The following ACTG2 variants were observed in gnomAD, a reference collection of about 807,000 sequenced individuals.
ACTG2 encodes the protein actin gamma 2, smooth muscle, also known as actin, gamma-enteric smooth muscle.
Under a neutral mutation model 37.6 loss-of-function variants are expected in ACTG2, and 16 were observed. That is an observed-to-expected ratio of 0.43 (90% CI 0.29 to 0.65). The LOEUF (loss-of-function observed/expected upper bound fraction) is 0.65, where lower values mean the gene tolerates loss of function less well. Ranked by LOEUF, ACTG2 falls within the 30% of genes least tolerant of loss-of-function variation. The pLI is 0.18. For missense variants in ACTG2, 238 were observed against 490.9 expected (o/e 0.48, Z 4.87); for synonymous variants, 181 against 179.9 (o/e 1.01, Z -0.05).
intron 5 of ACTG2, among the ~76,000 whole-genome samples, chr2:73,912,211 G>A (rs1680154194): frequency 6.6e-6 from 1 of 152,228 alleles, no homozygotes; most frequent in Non-Finnish European, 1.5e-5. Context: ...AGACTGGAAT[G>A]CAATGATGTG....
intron 3 of ACTG2, among the ~76,000 whole-genome samples, chr2:73,906,919 A>T (rs560503163): frequency 6.6e-6 from 1 of 152,354 alleles, no homozygotes; most frequent in Non-Finnish European, 1.5e-5. Context: ...AGATGATCCC[A>T]GGTGACTCTG....
At chr2:73,908,470 G>T in intron 3 of ACTG2, 1 of 644,192 alleles carries the variant, frequency 1.6e-6, no homozygotes, top group Middle Eastern at 2.7e-4. Flanking sequence ...CTGGTTCCAG[G>T]TCTGAGTCCT....
intron 8 of ACTG2, among the ~76,000 whole-genome samples, chr2:73,918,065 A>G (rs1422085064): frequency 2.0e-5 from 3 of 152,224 alleles, no homozygotes; most frequent in Admixed American, 6.5e-5. Context: ...TTAGGATCTA[A>G]TTAGTAAACA....
chr2:73,902,634 A>G (rs1679917753), intron 3 of ACTG2, 146 bp downstream of exon 3: 1 of 1,551,998 alleles, frequency 6.4e-7, no homozygotes, highest in Non-Finnish European at 8.7e-7. Flanking sequence ...CCCCACGACC[A>G]TTTCTCCAAC....
At chr2:73,910,824 A>G (rs1393315270) in intron 5 of ACTG2, among the ~76,000 whole-genome samples, 1 of 152,092 alleles carries the variant, frequency 6.6e-6, no homozygotes, top group Non-Finnish European at 1.5e-5. Context: ...TCAGCCTCCC[A>G]AAGTACTGGG....
rs371797489 is a variant in ACTG2 at position 73,919,603 on chromosome 2, C to G, written c.*28C>G. On this transcript the variant is annotated 3_prime_UTR_variant, in exon 9 of 9. Transcript: ENST00000345517. ...TCAGAACAGGTTCTCCAAGGATCCCCTCGAGACTACTCTGTTACCAGTCAT... is the reference window on the plus strand; with the variant it reads ...TCAGAACAGGTTCTCCAAGGATCCCGTCGAGACTACTCTGTTACCAGTCAT... 1.3e-4 allele frequency: 214 copies of G among 1,606,770 alleles called. No homozygotes were observed. Among genetic ancestry groups the G allele is most frequent in the Non-Finnish European group, 1.7e-4 (196 of 1,176,256 alleles).
intron 3 of ACTG2, chr2:73,902,868 T>A (rs969620571): frequency 5.2e-6 from 6 of 1,159,340 alleles, no homozygotes; most frequent in Non-Finnish European, 7.2e-6. Flanking sequence ...GACCTTTCCC[T>A]GCCTGATCCC....
intron 5 of ACTG2, among the ~76,000 whole-genome samples, chr2:73,912,036 G>A (rs1236799286): frequency 6.6e-6 from 1 of 152,232 alleles, no homozygotes; most frequent in African/African-American, 2.4e-5. Context: ...TCATTATGGA[G>A]CTAACAGTTT....
intron 5 of ACTG2, among the ~76,000 whole-genome samples, chr2:73,910,802 G>T (rs1308906132): frequency 5.3e-5 from 8 of 152,020 alleles, no homozygotes; most frequent in Admixed American, 2.6e-4. Context: ...GATCTCAAGT[G>T]ATCTGCCCAC....
intron 3 of ACTG2, among the ~76,000 whole-genome samples, chr2:73,903,960 C>CAA (rs140443634): frequency 2.0e-4 from 12 of 59,338 alleles, no homozygotes; most frequent in East Asian, 9.1e-4. Context: ...AAAAAAAAAA[C>CAA]AAAAAAAAAA....
At position 73,909,108 on chromosome 2, in the gene ACTG2, G is replaced by T. The variant is rs936286700; in HGVS notation, c.420G>T (p.Val140=). 2 of 1,614,060 alleles carry T rather than the reference G, an allele frequency of 1.2e-6. No individual in the cohort carries two copies. Among genetic ancestry groups the T allele is most frequent in the East Asian group, 2.2e-5 (1 of 44,892 alleles). The change falls in exon 5 of 9, where the codon GTG becomes GTT. Residue 140 remains valine, a synonymous_variant. Transcript: ENST00000345517. ...CCATGTACGTCGCCATTCAAGCTGT[G>T]CTCTCCCTCTATGCCTCTGGCCGCA... is the stretch of plus-strand genomic sequence containing the variant. The part of the protein sequence containing the change: ...VPAMYVAIQA[V]LSLYASGRTT...
In ACTG2 at chr2:73,901,532, ATGTGTGTG is replaced by A. The variant is rs58042852; in HGVS notation, c.126+137_126+144del. The A allele has an allele frequency of 8.4e-4, 964 of 1,144,752 alleles. 8 individuals carry two copies. The African/African-American group carries it at 9.4e-3, about 11-fold the overall frequency. The allele number at this position is 1,144,752 out of a possible 1,614,324, so 70.9% of individuals were successfully genotyped here. On this transcript the variant is annotated intron_variant, in intron 2 of 8. Transcript: ENST00000345517. ...CTGAGCTGGGGGTTAGGGGAAGGAA[ATGTGTGTG>A]TGTGTGTGTGTGTGTGTGTGTGTGT...
At chr2:73,897,353 A>T (rs925173314) in intron 1 of ACTG2, 1 of 152,358 alleles carries the variant, frequency 6.6e-6, no homozygotes, top group Non-Finnish European at 1.5e-5. Context: ...AGGGGACCCT[A>T]GAGGGAGGCA....
intron 3 of ACTG2, among the ~76,000 whole-genome samples, chr2:73,904,773 GTGTGTATATATATATATA>G (rs1159845559): frequency 0.03 from 609 of 20,098 alleles, 12 homozygotes; most frequent in African/African-American, 0.071. Flanking sequence ...GTGTGTGTGT[GTGTGTATATATATATATA>G]TATATATATA....
In ACTG2 at chr2:73,919,470, C is replaced by T. The variant is rs1422885943; in HGVS notation, c.1026C>T (p.Ile342=). 31 of 1,614,008 alleles carry T rather than the reference C, an allele frequency of 1.9e-5. No individual in the cohort carries two copies. The highest frequency in any genetic ancestry group is 6.7e-5 in the East Asian group (3 of 44,888). Residue 342 remains isoleucine (I), a synonymous_variant, in exon 9 of 9, where the codon ATC becomes ATT. Transcript: ENST00000345517. ...CAGAGCGGAAGTACTCAGTCTGGAT[C>T]GGGGGCTCTATCCTGGCCTCTCTCT... is the stretch of plus-strand genomic sequence containing the variant. ...APPERKYSVW[I]GGSILASLST...
intron 3 of ACTG2, chr2:73,903,067 T>C: frequency 4.5e-6 from 1 of 223,856 alleles, no homozygotes; most frequent in Non-Finnish European, 8.7e-6. Context: ...AGTAGAACTC[T>C]CTCAGGGTTT....
intron 8 of ACTG2, among the ~76,000 whole-genome samples, chr2:73,918,250 A>G (rs939761812): frequency 1.3e-5 from 2 of 152,186 alleles, no homozygotes; most frequent in Non-Finnish European, 2.9e-5. Context: ...TCTCAAGGAC[A>G]CAGAAGAACA....
chr2:73,918,246 G>C (rs1194517087), intron 8 of ACTG2, among the ~76,000 whole-genome samples: 1 of 152,116 alleles, frequency 6.6e-6, no homozygotes, highest in Non-Finnish European at 1.5e-5. Flanking sequence ...CAAGTCTCAA[G>C]GACACAGAAG....
rs1293750614 is a variant in ACTG2, at chr2:73,908,323, G to A, written c.256-350G>A. 8.4e-6 allele frequency: 4 copies of A among 477,142 alleles called. No individual in the cohort carries two copies. The Admixed American group carries it at 9.4e-5, about 11-fold the overall frequency. The allele number at this position is 477,142 out of a possible 1,614,324, so 29.6% of individuals were successfully genotyped here. A position where few individuals can be genotyped will look rare whatever the true frequency, so the allele number is the denominator to read the frequency against. ...AGGAATCTTCTATCAGCCAAATATA[G>A]CCAGAAGCCAGAAAGCAATGAACAC... On this transcript the variant is annotated intron_variant, in intron 3 of 8. Coordinates refer to ENST00000345517, the MANE Select transcript of ACTG2 (RefSeq NM_001615.4).
Sources: gnomAD v4.1 joint callset for allele counts (sites outside exome capture counted in the v4.1 genomes callset) on GRCh38, gnomAD v4.1.1 for gene constraint, MANE v1.5 for transcripts, NCBI Gene and HGNC (gene_info 2026-07-23, HGNC 2026-07-21) for gene names.